Variants in ESR1 observed in about 807,000 individuals in gnomAD.
ESR1 encodes estrogen receptor.
In ESR1, 12 loss-of-function variants were observed where a neutral mutation model predicts 52.7. The observed-to-expected ratio is 0.23, with a 90% CI of 0.15 to 0.37. The LOEUF (loss-of-function observed/expected upper bound fraction) is 0.37. Among genes scored for constraint, ESR1 ranks in the 10% least tolerant of loss-of-function variants. The pLI is 1.00. For missense variants in ESR1, 584 were observed against 779.7 expected, an observed-to-expected ratio of 0.75 and a Z score of 2.99; for synonymous variants, 305 against 316.8, an observed-to-expected ratio of 0.96 and a Z score of 0.39.
chr6:151,977,441 C>A (rs1448443758), intron 4 of ESR1, among the ~76,000 whole-genome samples: 292 of 130,268 alleles, frequency 2.2e-3, no homozygotes, highest in South Asian at 2.6e-3. Context: ...CTGTGTAGTG[C>A]AAAAAAAAAA....
chr6:151,720,772 G>T (rs2128017689), intron 2 of ESR1, among the ~76,000 whole-genome samples: 1 of 152,254 alleles, frequency 6.6e-6, no homozygotes, highest in Non-Finnish European at 1.5e-5. Flanking sequence ...CCAATTTTAG[G>T]TTGTCTAACA....
intron 2 of ESR1, among the ~76,000 whole-genome samples, chr6:151,764,304 A>G (rs1156515454): frequency 1.3e-5 from 2 of 152,212 alleles, no homozygotes; most frequent in African/African-American, 4.8e-5. Flanking sequence ...TAACAGAAGA[A>G]TGTGTTAAAC....
At chr6:151,679,787 A>C (rs1218068172) in intron 1 of ESR1, among the ~76,000 whole-genome samples, 1 of 152,098 alleles carries the variant, frequency 6.6e-6, no homozygotes, top group Non-Finnish European at 1.5e-5. Context: ...TGTGCCTGGG[A>C]CACTCCGGTC....
chr6:151,807,713 A>G lies in ESR1; in HGVS notation c.-200A>G. Reference sequence around the variant, plus strand: ...CGGAGGGCGTTCGTCCTGGGACTGCACTTGCTCCCGTCGGGTCGCCCGGCT... The same window carrying G: ...CGGAGGGCGTTCGTCCTGGGACTGCGCTTGCTCCCGTCGGGTCGCCCGGCT... On this transcript the variant is annotated 5_prime_UTR_variant, in exon 1 of 8. Transcript: ENST00000206249. 2 of 648,572 alleles carry G rather than the reference A, an allele frequency of 3.1e-6. No individual in the cohort carries two copies. The highest frequency in any genetic ancestry group is 5.5e-6 in the Non-Finnish European group (2 of 360,990). The allele number at this position is 648,572 out of a possible 1,614,324, so 40.2% of individuals were successfully genotyped here.
intron 2 of ESR1, among the ~76,000 whole-genome samples, chr6:151,737,629 C>T (rs533352773): frequency 8.5e-5 from 13 of 152,234 alleles, no homozygotes; most frequent in Admixed American, 8.5e-4. Flanking sequence ...TCAGCACCTG[C>T]CTCCCAGACA....
At chr6:152,008,294 C>A (rs2042494748) in intron 4 of ESR1, among the ~76,000 whole-genome samples, 1 of 152,122 alleles carries the variant, frequency 6.6e-6, no homozygotes, top group East Asian at 1.9e-4. Flanking sequence ...ATCTAATAAC[C>A]CTTGTCTGCA....
chr6:152,075,560 C>A (rs998405797), intron 6 of ESR1, among the ~76,000 whole-genome samples: 1 of 152,212 alleles, frequency 6.6e-6, no homozygotes, highest in African/African-American at 2.4e-5. Context: ...AAGAGAGGAA[C>A]TTTCAACACT....
chr6:151,996,402 CCTT>C (rs1419272790), intron 4 of ESR1, among the ~76,000 whole-genome samples: 1 of 152,080 alleles, frequency 6.6e-6, no homozygotes, highest in East Asian at 1.9e-4. Flanking sequence ...TTTCCATGAT[CCTT>C]CTTCTGCCTG....
intron 2 of ESR1, among the ~76,000 whole-genome samples, chr6:151,852,878 T>G (rs1418671328): frequency 1.3e-5 from 2 of 151,670 alleles, no homozygotes; most frequent in African/African-American, 4.8e-5. Context: ...ATGAAACTTT[T>G]TAAAAGAAAG....
upstream of ESR1, among the ~76,000 whole-genome samples, chr6:151,799,589 T>G (rs1248613336): frequency 6.6e-6 from 1 of 152,216 alleles, no homozygotes; most frequent in Non-Finnish European, 1.5e-5. Flanking sequence ...CTAGTGTCTT[T>G]GGAAAACAGA....
intron 2 of ESR1, among the ~76,000 whole-genome samples, chr6:151,748,322 G>A (rs983661933): frequency 6.6e-6 from 1 of 152,104 alleles, no homozygotes; most frequent in African/African-American, 2.4e-5. Context: ...CCCTAGATAT[G>A]TATTTGCAAG....
At chr6:151,848,424 CAT>C (rs1785573209) in intron 2 of ESR1, among the ~76,000 whole-genome samples, 1 of 134,886 alleles carries the variant, frequency 7.4e-6, no homozygotes, top group African/African-American at 2.8e-5. Context: ...CACATGTATA[CAT>C]ATGTAACTAA....
intron 2 of ESR1, among the ~76,000 whole-genome samples, chr6:151,789,608 T>C (rs1219547772): frequency 6.6e-6 from 1 of 152,230 alleles, no homozygotes; most frequent in Non-Finnish European, 1.5e-5. Context: ...GAGTATTCAC[T>C]GTGCTTTTAC....
rs146428204 is a variant in ESR1, at chr6:152,027,389, C to T, written c.1235+15595C>T. Among the ~76,000 whole-genome samples the T allele has an allele frequency of 1.2e-4, 18 of 152,206 alleles. No individual in the cohort carries two copies. The East Asian group carries it at 3.5e-3, about 29-fold the overall frequency. ...CTCTATTATTAAGATATTTAATGTC[C>T]ACCTTCAGATTATATGCTGATGATT... On this transcript the variant is annotated intron_variant, in intron 5 of 7. Transcript: ENST00000206249.
At chr6:151,816,556 A>G (rs1053958582) in intron 1 of ESR1, among the ~76,000 whole-genome samples, 7 of 152,200 alleles carry the variant, frequency 4.6e-5, no homozygotes, top group African/African-American at 1.7e-4. Flanking sequence ...GAAGGTGAGT[A>G]TGGGAATTCT....
intron 2 of ESR1, among the ~76,000 whole-genome samples, chr6:151,764,762 A>G (rs1784918193): frequency 6.6e-6 from 1 of 152,232 alleles, no homozygotes; most frequent in Admixed American, 6.5e-5. Context: ...TCTAAAAATT[A>G]TGTTACATTT....
Position 151,976,994 on chromosome 6 carries a change from G to C in ESR1, c.1096+32486G>C, listed in dbSNP as rs187425793. 5.2e-3 allele frequency among the ~76,000 whole-genome samples: 785 copies of C among 152,202 alleles called. 7 individuals carry two copies. Among genetic ancestry groups the C allele is most frequent in the Non-Finnish European group, 9.0e-3 (611 of 67,996 alleles). On this transcript the variant is annotated intron_variant, in intron 4 of 7. Coordinates refer to ENST00000206249, the MANE Select transcript of ESR1 (RefSeq NM_000125.4). ...ATTTATTTAGAGACTTCTTTTGTTG[G>C]AAGTATGGTGGCTAGATGCCATGAA...
intron 3 of ESR1, among the ~76,000 whole-genome samples, chr6:151,942,946 T>C (rs1474680645): frequency 6.6e-6 from 1 of 152,174 alleles, no homozygotes; most frequent in Non-Finnish European, 1.5e-5. Flanking sequence ...TTTGCAGATG[T>C]TAATACATTT....
intron 4 of ESR1, among the ~76,000 whole-genome samples, chr6:151,957,230 C>A (rs529574196): frequency 2.0e-5 from 3 of 151,990 alleles, no homozygotes; most frequent in East Asian, 1.9e-4. Context: ...CATTGGGCGA[C>A]CCAGTCCCCT....
Sources: allele counts gnomAD v4.1 joint callset (sites outside exome capture counted in the v4.1 genomes callset), GRCh38; gene constraint gnomAD v4.1.1; transcripts MANE v1.5; gene names NCBI Gene and HGNC (gene_info 2026-07-23, HGNC 2026-07-21).